RSPH3: variants seen among roughly 807,000 people sequenced by gnomAD.
RSPH3 encodes radial spoke head protein 3 homolog.
In RSPH3, 21 loss-of-function variants were observed where a neutral mutation model predicts 43.8. The ratio of observed to expected loss-of-function variants is 0.48; its 90% CI spans 0.34 to 0.69. The LOEUF is 0.69. Among genes scored for constraint, RSPH3 ranks in the 30% least tolerant of loss-of-function variants. The pLI, the probability that RSPH3 is intolerant of heterozygous loss-of-function variation, is 0.01. For synonymous variants in RSPH3, 173 were observed against 179.8 expected, an observed-to-expected ratio of 0.96 and a Z score of 0.30; for missense variants, 487 against 516.0, an observed-to-expected ratio of 0.94 and a Z score of 0.54.
rs574793850 is a variant in RSPH3, at chr6:158,989,688, T to C, written c.205-3267A>G. 6.6e-6 allele frequency among the ~76,000 whole-genome samples: 1 copy of C among 152,320 alleles called. No individual in the cohort carries two copies. Among genetic ancestry groups the C allele is most frequent in the South Asian group, 2.1e-4 (1 of 4,826 alleles). ...TATTTCTCTCTTCAGGAACTCATGA[T>C]GCTTCTGGTGGGTTGAATTTCCTGC... On this transcript the variant is annotated intron_variant, in intron 2 of 7. Coordinates refer to ENST00000367069, the MANE Select transcript of RSPH3 (RefSeq NM_031924.8). The surrounding 1 kb of genome is among the most constrained non-coding windows in gnomAD (Gnocchi z 4.3).
intron 4 of RSPH3, among the ~76,000 whole-genome samples, chr6:158,983,215 T>C (rs1194933255): frequency 1.3e-5 from 2 of 152,168 alleles, no homozygotes; most frequent in Non-Finnish European, 2.9e-5. Context: ...TAAACAGGCC[T>C]ATTTATGCAT....
At chr6:158,967,324 C>T in the RSPH3 span, among the ~76,000 whole-genome samples, 1 of 152,100 alleles carries the variant, frequency 6.6e-6, no homozygotes, top group Admixed American at 6.5e-5. Context: ...CCTCAAATTA[C>T]TTTCTAATTT....
intron 1 of RSPH3, among the ~76,000 whole-genome samples, chr6:158,995,049 T>C (rs1037328083): frequency 2.0e-5 from 3 of 152,158 alleles, no homozygotes; most frequent in African/African-American, 7.2e-5. Flanking sequence ...TCTTAGCCTT[T>C]GTTTGCAGTT....
chr6:158,971,453 T>A (rs938815076), downstream of RSPH3, among the ~76,000 whole-genome samples: 57 of 152,302 alleles, frequency 3.7e-4, 1 homozygote, highest in Non-Finnish European at 3.7e-4. Context: ...TCCATACACA[T>A]TAATTTCTGT....
At chr6:158,993,982 G>A (rs1325382067) in intron 1 of RSPH3, 56 bp from the exon 2 acceptor site, 10 of 894,498 alleles carry the variant, frequency 1.1e-5, no homozygotes, top group Non-Finnish European at 1.8e-5. Context: ...TATCTATGAA[G>A]TAACTCATTT....
At chr6:158,969,644 A>G (rs1259447961), downstream of RSPH3, among the ~76,000 whole-genome samples, 4 of 152,012 alleles carry the variant, frequency 2.6e-5, no homozygotes, top group Non-Finnish European at 4.4e-5. Context: ...GTGTACGTTG[A>G]TATGCTTGAT....
chr6:158,978,396 C>T lies in RSPH3; in HGVS notation c.860-50G>A, dbSNP rs200476391. On this transcript the variant is annotated intron_variant, in intron 6 of 7. Transcript: ENST00000367069. ...TTCATGTATTATCAGAGGAATAATG[C>T]GCTTTTCTCTTAATGTAATAGACTC... The T allele has an allele frequency of 1.8e-4, 166 of 917,336 alleles. 1 individual carries two copies. Among genetic ancestry groups the T allele is most frequent in the African/African-American group, 1.1e-3 (66 of 61,360 alleles). The allele number at this position is 917,336 out of a possible 1,614,324, so 56.8% of individuals were successfully genotyped here. A position where few individuals can be genotyped will look rare whatever the true frequency, so the allele number is the denominator to read the frequency against.
chr6:158,970,187 T>C (rs543761604), downstream of RSPH3, among the ~76,000 whole-genome samples: 15 of 152,280 alleles, frequency 9.9e-5, no homozygotes, highest in East Asian at 2.7e-3. Context: ...TGTTGCTGTT[T>C]GTTATTCTTT....
chr6:158,991,306 A>C (rs944246719), intron 2 of RSPH3, among the ~76,000 whole-genome samples: 1 of 152,152 alleles, frequency 6.6e-6, no homozygotes, highest in Non-Finnish European at 1.5e-5. Flanking sequence ...TTTGGGTATT[A>C]TATTTTAAGA....
At position 158,989,753 on chromosome 6, in the gene RSPH3, T is replaced by C. The variant is rs1348481725; in HGVS notation, c.205-3332A>G. On this transcript the variant is annotated intron_variant, in intron 2 of 7. Transcript: ENST00000367069. This position sits in a 1 kb window ranked among gnomAD's most constrained non-coding sequence, Gnocchi z 4.3. ...TGGTAGGGAAACTAGTTGTCCACCT[T>C]GATCTTTTTCCAGTGCAGAAATCAC... Among the ~76,000 whole-genome samples, 2 of 152,190 alleles carry C rather than the reference T, an allele frequency of 1.3e-5. No individual in the cohort carries two copies. Among genetic ancestry groups the C allele is most frequent in the African/African-American group, 4.8e-5 (2 of 41,456 alleles).
chr6:158,977,359 C>A lies in RSPH3; in HGVS notation c.*179G>T. ...GAATATTCTATTAAATAAATGAATT[C>A]AATTTAAGTTTCATTCTCAAATTAA... On this transcript the variant is annotated 3_prime_UTR_variant, in exon 8 of 8. Coordinates refer to ENST00000367069, the MANE Select transcript of RSPH3 (RefSeq NM_031924.8). 2 of 551,920 alleles carry A rather than the reference C, an allele frequency of 3.6e-6. No individual in the cohort carries two copies. The highest frequency in any genetic ancestry group is 3.0e-5 in the South Asian group (1 of 33,422). The allele number at this position is 551,920 out of a possible 1,614,324, so 34.2% of individuals were successfully genotyped here.
chr6:158,998,297 CAAAAAAAAAAAAAAAA>C (rs71297000), intron 1 of RSPH3, among the ~76,000 whole-genome samples: 60 of 53,924 alleles, frequency 1.1e-3, no homozygotes, highest in Non-Finnish European at 1.9e-3. Flanking sequence ...TAAAAAAATA[CAAAAAAAAAAAAAAAA>C]AAAAAAAGAG....
rs535516098 is a variant in RSPH3, at chr6:158,973,833, CTT to C, written c.*3703_*3704del. 1.0e-4 allele frequency: 15 copies of C among 144,196 alleles called. No individual in the cohort carries two copies. Among genetic ancestry groups the C allele is most frequent in the East Asian group, 2.0e-4 (1 of 5,032 alleles). 8.9% of individuals were successfully genotyped at this position (144,196 alleles called of 1,614,324 possible). ...TAAGAATGACAATTTCTTTTTCTTTCTTTTTTTTTTTTTTGAGACGGAGTCTT... is the reference window on the plus strand; with the variant it reads ...TAAGAATGACAATTTCTTTTTCTTTCTTTTTTTTTTTTGAGACGGAGTCTT... On this transcript the variant is annotated 3_prime_UTR_variant, in exon 8 of 8. Coordinates refer to ENST00000367069, the MANE Select transcript of RSPH3 (RefSeq NM_031924.8).
chr6:158,968,386 C>G (rs532411509), downstream of RSPH3, among the ~76,000 whole-genome samples: 2 of 152,102 alleles, frequency 1.3e-5, no homozygotes, highest in South Asian at 4.2e-4. Context: ...AGGCATGTAC[C>G]ACCATACCTG....
chr6:158,987,074 G>T (rs1375726038), intron 2 of RSPH3, among the ~76,000 whole-genome samples: 1 of 152,142 alleles, frequency 6.6e-6, no homozygotes, highest in African/African-American at 2.4e-5. Flanking sequence ...ACTGAGAACA[G>T]GTTGTTAAAG....
intron 2 of RSPH3, among the ~76,000 whole-genome samples, chr6:158,990,052 C>T (rs919315801): frequency 1.3e-5 from 2 of 152,156 alleles, no homozygotes; most frequent in African/African-American, 4.8e-5. Flanking sequence ...CTGGATGCTT[C>T]CTGCCCTTGA....
chr6:158,979,686 TATTGA>T (rs1436653837), intron 6 of RSPH3, among the ~76,000 whole-genome samples: 5 of 152,226 alleles, frequency 3.3e-5, no homozygotes, highest in Admixed American at 3.3e-4. Context: ...GACCTCTTTG[TATTGA>T]ATTGAATATG....
Position 158,977,271 on chromosome 6 carries a change from T to A in RSPH3, c.*267A>T. On this transcript the variant is annotated 3_prime_UTR_variant, in exon 8 of 8. Transcript: ENST00000367069. Reference sequence around the variant, plus strand: ...AGGAAAAATATATTTGCTGGTTACATATAATGGTAATAGAAAGCTAGTAAT... The same window carrying A: ...AGGAAAAATATATTTGCTGGTTACAAATAATGGTAATAGAAAGCTAGTAAT... 1 of 403,004 alleles carries A rather than the reference T, an allele frequency of 2.5e-6. No homozygotes were observed. Among genetic ancestry groups the A allele is most frequent in the Non-Finnish European group, 4.4e-6 (1 of 229,762 alleles). 25.0% of individuals were successfully genotyped at this position (403,004 alleles called of 1,614,324 possible).
At chr6:158,969,181 A>G (rs1392725085), downstream of RSPH3, among the ~76,000 whole-genome samples, 2 of 152,086 alleles carry the variant, frequency 1.3e-5, no homozygotes, top group Non-Finnish European at 2.9e-5. Context: ...TCCCTTTAGT[A>G]TTTCTTGTAG....
Sources: allele counts gnomAD v4.1 joint callset (sites outside exome capture counted in the v4.1 genomes callset), GRCh38; gene constraint gnomAD v4.1.1; non-coding constraint Gnocchi (gnomAD v3.1); transcripts MANE v1.5; gene names NCBI Gene and HGNC (gene_info 2026-07-23, HGNC 2026-07-21).